Variants in CAPN8 observed in about 807,000 individuals in gnomAD.
CAPN8 encodes calpain-8.
In CAPN8, 87 loss-of-function variants were observed where a neutral mutation model predicts 80.9. The ratio of observed to expected loss-of-function variants is 1.07; its 90% confidence interval spans 0.90 to 1.28. CAPN8 has a LOEUF of 1.28. CAPN8 is among the 50% of genes most tolerant of loss of function. The probability of loss-of-function intolerance (pLI) is 0.00; values close to 1 mark genes in which losing one functional copy is unlikely to be tolerated. For synonymous variants in CAPN8, 299 were observed against 273.8 expected, an observed-to-expected ratio of 1.09 and a Z score of -0.91; for missense variants, 757 against 702.0, an observed-to-expected ratio of 1.08 and a Z score of -0.89.
chr1:223,654,319 C>G lies in CAPN8; in HGVS notation c.307+11G>C, dbSNP rs769251557. On this transcript the variant is annotated intron_variant, in intron 2 of 20. Transcript: ENST00000366872. The stretch of plus-strand genomic sequence containing the variant: ...CTCCCAAAACAAATAAGACTCTCCC[C>G]AGTTACTCACCTAGACCACCCTGAC... 53 of 1,551,266 alleles carry G rather than the reference C, an allele frequency of 3.4e-5. No individual in the cohort carries two copies. Among genetic ancestry groups the G allele is most frequent in the Non-Finnish European group, 4.5e-5 (52 of 1,146,756 alleles).
intron 20 of CAPN8, 61 bp from the exon 21 acceptor site, chr1:223,541,920 T>C (rs1250938625): frequency 1.9e-6 from 3 of 1,550,942 alleles, no homozygotes; most frequent in South Asian, 1.2e-5. Context: ...GCTTTCACCA[T>C]TGATGCTCTC....
Position 223,544,841 on chromosome 1 carries a change from A to G in CAPN8, c.1843T>C (p.Trp615Arg), listed in dbSNP as rs377529147. 1.9e-6 allele frequency: 3 copies of G among 1,551,540 alleles called. No individual in the cohort carries two copies. The African/African-American group carries it at 4.1e-5, about 21-fold the overall frequency. The change falls in exon 18 of 21, where the codon TGG becomes CGG. Residue 615 changes from tryptophan (W) to arginine (R), a missense_variant. Physicochemically the swap from Trp to Arg is moderately radical, Grantham distance 101. Transcript: ENST00000366872. ...CCCGAGTGGTTATAATCAGTTTCCC[A>G]ATAGATCTCCTAAAGCAGGAAAGAA... is the stretch of plus-strand genomic sequence containing the variant. ...LKIQKYLEIY[W>R]ETDYNHSGTI...
intron 2 of CAPN8, among the ~76,000 whole-genome samples, chr1:223,630,135 T>A (rs1001874163): frequency 6.6e-6 from 1 of 152,110 alleles, no homozygotes; most frequent in Non-Finnish European, 1.5e-5. Flanking sequence ...CCATCATCAC[T>A]CAGAATTGCT....
intron 15 of CAPN8, among the ~76,000 whole-genome samples, chr1:223,550,474 A>T (rs1656752724): frequency 6.6e-6 from 1 of 152,148 alleles, no homozygotes; most frequent in African/African-American, 2.4e-5. Context: ...TTTCCTCCTG[A>T]CAGCTCTGAG....
intron 15 of CAPN8, 135 bp from the exon 16 acceptor site, chr1:223,549,517 A>G: frequency 7.3e-7 from 1 of 1,362,934 alleles, no homozygotes; most frequent in Non-Finnish European, 1.0e-6. Flanking sequence ...AAAAGGGGAG[A>G]GCATCATGGC....
chr1:223,552,388 A>G (rs2102691855), intron 14 of CAPN8, among the ~76,000 whole-genome samples: 1 of 152,120 alleles, frequency 6.6e-6, no homozygotes, highest in African/African-American at 2.4e-5. Context: ...ATATGGCGAA[A>G]CCCTGTCTCT....
chr1:223,629,103 AT>A, intron 2 of CAPN8: 1 of 327,150 alleles, frequency 3.1e-6, no homozygotes, highest in South Asian at 4.3e-5. Flanking sequence ...AGAAAAGAAA[AT>A]TAGTCCCTTT....
chr1:223,619,634 G>A (rs1426409112), intron 8 of CAPN8, among the ~76,000 whole-genome samples, 181 bp from the exon 9 acceptor site: 4 of 152,176 alleles, frequency 2.6e-5, no homozygotes, highest in Non-Finnish European at 5.9e-5. Flanking sequence ...CTTCACTAGC[G>A]CTAGCTTCTT....
At chr1:223,630,978 G>C (rs80157937) in intron 2 of CAPN8, among the ~76,000 whole-genome samples, 4,299 of 152,096 alleles carry the variant, frequency 0.028, 210 homozygotes, top group East Asian at 0.19. Flanking sequence ...GCTCGCAACT[G>C]TCCTCCATTG....
intron 10 of CAPN8, among the ~76,000 whole-genome samples, chr1:223,614,873 G>A (rs530735390): frequency 1.6e-4 from 25 of 152,338 alleles, no homozygotes; most frequent in East Asian, 1.5e-3. Context: ...TACATTCTAG[G>A]TGGAGATGAA....
At chr1:223,623,998 G>GA (rs71702521) in intron 6 of CAPN8, among the ~76,000 whole-genome samples, 64,185 of 131,748 alleles carry the variant, frequency 0.49, 15,523 homozygotes, top group African/African-American at 0.6. Flanking sequence ...GACTCCACCT[G>GA]AAAAAAAAAA....
chr1:223,543,202 G>C, intron 19 of CAPN8, 36 bp from the exon 20 acceptor site: 1 of 1,550,104 alleles, frequency 6.5e-7, no homozygotes. Context: ...ATTAGATAAG[G>C]CTGTTCCTGG....
chr1:223,628,033 G>A lies in CAPN8; in HGVS notation c.536C>T (p.Ala179Val). The change falls in exon 4 of 21, where the codon GCC becomes GTC. Residue 179 changes from alanine (A) to valine (V), a missense_variant. Transcript: ENST00000366872. The stretch of plus-strand genomic sequence containing the variant: ...CTTGGCATAGGCTTTCTCCAGCAGG[G>A]CACTCCAGAATTCATTGCCTTGTTC... ...HSEQGNEFWSALLEKAYAKLN... is the reference protein window; with the variant it reads ...HSEQGNEFWSVLLEKAYAKLN... The A allele has an allele frequency of 2.6e-6, 4 of 1,547,944 alleles. No homozygotes were observed. The highest frequency in any genetic ancestry group is 3.5e-6 in the Non-Finnish European group (4 of 1,144,576).
chr1:223,655,556 C>T (rs903631791), intron 1 of CAPN8, among the ~76,000 whole-genome samples: 4 of 152,126 alleles, frequency 2.6e-5, no homozygotes, highest in Non-Finnish European at 4.4e-5. Context: ...CCTCAAGGTG[C>T]TTTTGCTGTA....
intron 2 of CAPN8, among the ~76,000 whole-genome samples, chr1:223,634,761 C>T (rs1449227771): frequency 6.6e-6 from 1 of 152,162 alleles, no homozygotes; most frequent in Non-Finnish European, 1.5e-5. Flanking sequence ...TTGATGAGGG[C>T]TTTGTTCTCA....
At chr1:223,619,223 T>G in intron 9 of CAPN8, 70 bp downstream of exon 9, 1 of 1,516,812 alleles carries the variant, frequency 6.6e-7, no homozygotes, top group Non-Finnish European at 8.9e-7. Context: ...CACCAAAAAA[T>G]TACATAAAAT....
intron 19 of CAPN8, among the ~76,000 whole-genome samples, chr1:223,543,618 C>T (rs1488818078): frequency 1.3e-5 from 2 of 152,178 alleles, no homozygotes; most frequent in African/African-American, 4.8e-5. Flanking sequence ...TATCTAATCT[C>T]AAGGCCCAAG....
intron 2 of CAPN8, among the ~76,000 whole-genome samples, chr1:223,639,482 C>G (rs140942019): frequency 1.2e-3 from 178 of 152,318 alleles, no homozygotes; most frequent in African/African-American, 4.0e-3. Flanking sequence ...TAAGTTTTTA[C>G]CTAAGCAAGC....
At position 223,631,141 on chromosome 1, in the gene CAPN8, C is replaced by A. The variant is rs562219023; in HGVS notation, c.308-2361G>T. Reference sequence around the variant, plus strand: ...GTACAAAACATACCCTGGTCGTTTTCATTGATGTGATTTTTCTTGTTTGTT... The same window carrying A: ...GTACAAAACATACCCTGGTCGTTTTAATTGATGTGATTTTTCTTGTTTGTT... On this transcript the variant is annotated intron_variant, in intron 2 of 20. Transcript: ENST00000366872. Among the ~76,000 whole-genome samples, 5 of 151,660 alleles carry A rather than the reference C, an allele frequency of 3.3e-5. No individual in the cohort carries two copies. The East Asian group carries it at 9.9e-4, about 30-fold the overall frequency.
Sources: allele counts gnomAD v4.1 joint callset (sites outside exome capture counted in the v4.1 genomes callset), GRCh38; gene constraint gnomAD v4.1.1; transcripts MANE v1.5; gene names NCBI Gene and HGNC (gene_info 2026-07-23, HGNC 2026-07-21).